Variants in MEGF11 observed in about 807,000 individuals in gnomAD.
MEGF11 encodes multiple epidermal growth factor-like domains protein 11.
A neutral mutation model predicts 146.6 loss-of-function variants in MEGF11; 126 were observed. The observed-to-expected ratio is 0.86, with a 90% CI of 0.74 to 1.00. The LOEUF is 1.00. Ranked by LOEUF, MEGF11 falls within the 50% of genes least tolerant of loss-of-function variation. MEGF11 has a pLI of 0.00. For missense variants in MEGF11, 1,509 were observed against 1,521.2 expected, an observed-to-expected ratio of 0.99 and a Z score of 0.13; for synonymous variants, 532 against 583.4, an observed-to-expected ratio of 0.91 and a Z score of 1.27.
At chr15:65,956,364 A>G (rs969031847) in intron 10 of MEGF11, among the ~76,000 whole-genome samples, 1 of 152,152 alleles carries the variant, frequency 6.6e-6, no homozygotes, top group Non-Finnish European at 1.5e-5. Flanking sequence ...TGCTTAGAAA[A>G]TTTACTACTG....
intron 1 of MEGF11, among the ~76,000 whole-genome samples, chr15:66,211,308 A>T (rs182462328): frequency 3.3e-5 from 5 of 152,106 alleles, no homozygotes; most frequent in Non-Finnish European, 5.9e-5. Context: ...CGGATCACGA[A>T]GTCAGGAGAT....
intron 5 of MEGF11, among the ~76,000 whole-genome samples, chr15:66,087,933 T>C (rs1042162083): frequency 1.3e-5 from 2 of 152,118 alleles, no homozygotes; most frequent in African/African-American, 4.8e-5. Flanking sequence ...TTAGCCAGAT[T>C]AACCAAGAAA....
intron 12 of MEGF11, 61 bp downstream of exon 12, chr15:65,929,659 C>A: frequency 6.6e-7 from 1 of 1,510,658 alleles, no homozygotes; most frequent in South Asian, 1.3e-5. Context: ...CGAACTAACA[C>A]CAGGGAAAGG....
At chr15:66,082,867 G>T (rs1248056303) in intron 5 of MEGF11, among the ~76,000 whole-genome samples, 3 of 151,678 alleles carry the variant, frequency 2.0e-5, no homozygotes, top group Non-Finnish European at 4.4e-5. Context: ...TAAAGTTTTG[G>T]CAGTGGCCCT....
chr15:66,097,332 C>A (rs1286328447), intron 4 of MEGF11, among the ~76,000 whole-genome samples: 14 of 152,102 alleles, frequency 9.2e-5, no homozygotes, highest in Admixed American at 9.2e-4. Flanking sequence ...GGCGCTGGGG[C>A]GGCTGACTCC....
chr15:65,922,842 T>G lies in MEGF11; in HGVS notation c.1803A>C (p.Arg601=). ...DGSCECAPGF[R]GPLCQRICPP... ...CCTTACTTCTCTGGCATAAGGGTCC[T>G]CGGAAGCCAGGGGCACACTCGCAGC... The change falls in exon 14 of 26, where the codon CGA becomes CGC. Residue 601 remains arginine, a synonymous_variant. Coordinates refer to ENST00000395614, the MANE Select transcript of MEGF11 (RefSeq NM_001385028.1). 1 of 1,613,820 alleles carries G rather than the reference T, an allele frequency of 6.2e-7. No homozygotes were observed. Among genetic ancestry groups the G allele is most frequent in the South Asian group, 1.1e-5 (1 of 91,074 alleles).
rs1444183446 is a variant in MEGF11, at chr15:66,124,000, G to A, written c.99C>T (p.Ser33=). ...EDPNVCSHWE[S]YAVTVQESYA... ...ACGATTCCTGGACAGTCACAGCATAGCTGAGAACCAGATGGGAGATAGGAG... is the reference window on the plus strand; with the variant it reads ...ACGATTCCTGGACAGTCACAGCATAACTGAGAACCAGATGGGAGATAGGAG... The change falls in exon 3 of 26, where the codon AGC becomes AGT. Residue 33 remains serine, a splice_region_variant and synonymous_variant. Coordinates refer to ENST00000395614, the MANE Select transcript of MEGF11 (RefSeq NM_001385028.1). The A allele has an allele frequency of 1.1e-5, 17 of 1,612,230 alleles. No individual in the cohort carries two copies. The African/African-American group carries it at 1.5e-4, about 14-fold the overall frequency.
At chr15:66,112,925 G>A (rs530334099) in intron 4 of MEGF11, among the ~76,000 whole-genome samples, 1 of 152,236 alleles carries the variant, frequency 6.6e-6, no homozygotes, top group Non-Finnish European at 1.5e-5. Flanking sequence ...CAAGAAGAAT[G>A]AGGCTGAACC....
At chr15:66,012,950 G>A (rs2082757296) in intron 5 of MEGF11, among the ~76,000 whole-genome samples, 1 of 152,264 alleles carries the variant, frequency 6.6e-6, no homozygotes, top group African/African-American at 2.4e-5. Context: ...TTGGAACTCT[G>A]CTGCTGTATC....
intron 1 of MEGF11, among the ~76,000 whole-genome samples, chr15:66,184,286 A>C (rs924271486): frequency 6.6e-6 from 1 of 152,156 alleles, no homozygotes; most frequent in Non-Finnish European, 1.5e-5. Flanking sequence ...CTCCCCACGC[A>C]TCCCACACTG....
chr15:65,956,200 T>C (rs2080630015), intron 10 of MEGF11, among the ~76,000 whole-genome samples: 1 of 152,166 alleles, frequency 6.6e-6, no homozygotes, highest in African/African-American at 2.4e-5. Context: ...GCAGCCCAAG[T>C]TGAGACCCAT....
intron 23 of MEGF11, 110 bp downstream of exon 23, chr15:65,908,924 G>C (rs1189227495): frequency 1.5e-6 from 1 of 656,080 alleles, no homozygotes; most frequent in Non-Finnish European, 2.7e-6. Flanking sequence ...GGGCTTAAAA[G>C]GGAGAGTTCT....
chr15:66,013,193 C>A (rs114486459), intron 5 of MEGF11, among the ~76,000 whole-genome samples: 2 of 152,128 alleles, frequency 1.3e-5, no homozygotes, highest in Non-Finnish European at 2.9e-5. Context: ...TAGAGGGCAG[C>A]GGCAGAGTTC....
chr15:65,984,550 A>AC (rs1555458727), intron 5 of MEGF11, among the ~76,000 whole-genome samples: 1 of 148,736 alleles, frequency 6.7e-6, no homozygotes, highest in African/African-American at 2.5e-5. Context: ...AAAAAAAAAA[A>AC]GGCTCACAGG....
intron 1 of MEGF11, among the ~76,000 whole-genome samples, chr15:66,195,111 C>G (rs1422955006): frequency 6.6e-6 from 1 of 152,100 alleles, no homozygotes; most frequent in Non-Finnish European, 1.5e-5. Context: ...CATTCTGAGG[C>G]CTCTCTCCTT....
At chr15:65,944,296 C>A (rs1302986875) in intron 10 of MEGF11, among the ~76,000 whole-genome samples, 1 of 152,036 alleles carries the variant, frequency 6.6e-6, no homozygotes, top group Non-Finnish European at 1.5e-5. Context: ...AGGCTCTGTC[C>A]CATAGGGAAG....
chr15:66,222,259 C>T (rs2091755494), intron 1 of MEGF11, among the ~76,000 whole-genome samples: 2 of 152,070 alleles, frequency 1.3e-5, no homozygotes, highest in African/African-American at 4.8e-5. Context: ...CCAGTACCAA[C>T]CTCCAGATGC....
At chr15:65,951,072 A>G (rs567074732) in intron 10 of MEGF11, among the ~76,000 whole-genome samples, 3 of 152,358 alleles carry the variant, frequency 2.0e-5, no homozygotes, top group Non-Finnish European at 4.4e-5. Flanking sequence ...TAGGAGGTCC[A>G]GGGTTAGAGG....
intron 5 of MEGF11, among the ~76,000 whole-genome samples, chr15:66,033,629 A>G (rs1227168393): frequency 1.3e-5 from 2 of 152,236 alleles, no homozygotes. Context: ...GCATAGGCTG[A>G]TCCCAGCAAG....
Sources: gnomAD v4.1 joint callset for allele counts (sites outside exome capture counted in the v4.1 genomes callset) on GRCh38, gnomAD v4.1.1 for gene constraint, MANE v1.5 for transcripts, NCBI Gene and HGNC (gene_info 2026-07-23, HGNC 2026-07-21) for gene names.